Variants in CES3 observed in about 807,000 individuals in gnomAD.
The protein encoded by CES3 is carboxylesterase 3 (brain).
CES3 carries 49 observed loss-of-function variants against 57.6 expected under a neutral mutation model. That is an observed-to-expected ratio of 0.85 (90% CI 0.68 to 1.08). The LOEUF (loss-of-function observed/expected upper bound fraction) is 1.08. Ranked by LOEUF, CES3 falls within the 50% of genes least tolerant of loss-of-function variation. The probability of loss-of-function intolerance (pLI) is 0.00; values close to 1 mark genes in which losing one functional copy is unlikely to be tolerated. For missense variants in CES3, 645 were observed against 742.0 expected (o/e 0.87, Z 1.52); for synonymous variants, 266 against 281.6 (o/e 0.94, Z 0.55).
Position 66,963,733 on chromosome 16 carries a change from C to T in CES3, c.427-69C>T. On this transcript the variant is annotated intron_variant, in intron 3 of 12. Coordinates refer to ENST00000303334, the MANE Select transcript of CES3 (RefSeq NM_024922.6). This position sits in a 1 kb window ranked among gnomAD's most constrained non-coding sequence, Gnocchi z 4.9. ...AGCACCCTAGCGGTCCTGAGACTGC[C>T]TGGGCTGGCAGGTGGGCAGCTAAGG... The T allele has an allele frequency of 6.2e-7, 1 of 1,610,238 alleles. No homozygotes were observed. Among genetic ancestry groups the T allele is most frequent in the Non-Finnish European group, 8.5e-7 (1 of 1,176,938 alleles).
In CES3 at chr16:66,964,061, C is replaced by T. The variant is rs549060290; in HGVS notation, c.560+126C>T. ...GGCCCCTTACCCATGATGTCTGAGG[C>T]AGAGAAGGGCACCCCCCAAGCCTCC... On this transcript the variant is annotated intron_variant, in intron 4 of 12. Coordinates refer to ENST00000303334, the MANE Select transcript of CES3 (RefSeq NM_024922.6). 2.9e-6 allele frequency: 4 copies of T among 1,380,016 alleles called. No individual in the cohort carries two copies. In the South Asian group the frequency reaches 4.0e-5, roughly 14 times the overall value. 85.5% of individuals were successfully genotyped at this position (1,380,016 alleles called of 1,614,324 possible).
chr16:66,961,559 G>A (rs1004035542), intron 1 of CES3, among the ~76,000 whole-genome samples, 170 bp downstream of exon 1: 16 of 151,992 alleles, frequency 1.1e-4, no homozygotes, highest in African/African-American at 1.9e-4. Context: ...TATTTGTTTC[G>A]TTGTTTTTGT....
rs982619432 is a variant in CES3 at position 66,963,669 on chromosome 16, C to T, written c.426+40C>T. ...GGGCCCTGTCCACCTGATCCAGCTC[C>T]ACTATGCCTACCTGTCCCCTCCCCG... On this transcript the variant is annotated intron_variant, in intron 3 of 12. Transcript: ENST00000303334. The surrounding 1 kb of genome is among the most constrained non-coding windows in gnomAD (Gnocchi z 4.9). 11 of 1,613,644 alleles carry T rather than the reference C, an allele frequency of 6.8e-6. No homozygotes were observed. In the African/African-American group the frequency reaches 1.3e-4, roughly 20 times the overall value.
At position 66,972,707 on chromosome 16, in the gene CES3, T is replaced by C. The variant is rs1301579969; in HGVS notation, c.1481T>C (p.Leu494Pro). 1.2e-6 allele frequency: 2 copies of C among 1,614,018 alleles called. No homozygotes were observed. The highest frequency in any genetic ancestry group is 3.3e-5 in the Admixed American group (2 of 59,996). Residue 494 changes from leucine (L) to proline (P), a missense_variant, in exon 12 of 13, where the codon CTC becomes CCC. Coordinates refer to ENST00000303334, the MANE Select transcript of CES3 (RefSeq NM_024922.6). ...ACAGAGGAGGAGAAGCAGCTAAGCC[T>C]CACCATGATGGCCCAGTGGACCCAC... ...EATEEEKQLS[L>P]TMMAQWTHFA... is the part of the protein sequence containing the mutation.
Position 66,964,403 on chromosome 16 carries a change from G to T in CES3, c.607G>T (p.Val203Leu), listed in dbSNP as rs192232334. 6.2e-7 allele frequency: 1 copy of T among 1,614,142 alleles called. No homozygotes were observed. Among genetic ancestry groups the T allele is most frequent in the Admixed American group, 1.7e-5 (1 of 60,032 alleles). ...TGGCAACCAGGGCTTCCTAGATGTG[G>T]TAGCTGCTTTGCGCTGGGTGCAAGA... ...APGNQGFLDV[V>L]AALRWVQENI... Residue 203 changes from valine to leucine, a missense_variant, in exon 5 of 13, where the codon GTA (valine) becomes TTA (leucine). By Grantham distance (32) the Val-to-Leu change is conservative. Coordinates refer to ENST00000303334, the MANE Select transcript of CES3 (RefSeq NM_024922.6).
At chr16:66,972,254 A>C in intron 10 of CES3, 102 bp from the exon 11 acceptor site, 1 of 1,190,040 alleles carries the variant, frequency 8.4e-7, no homozygotes, top group Non-Finnish European at 1.2e-6. Context: ...CATCATCATC[A>C]TCATCATCAT....
chr16:66,965,636 A>AT (rs1567556203), intron 6 of CES3, among the ~76,000 whole-genome samples: 1 of 151,996 alleles, frequency 6.6e-6, no homozygotes, highest in East Asian at 1.9e-4. Context: ...GCCAGGAGAG[A>AT]TTTTCTCAAC....
chr16:66,972,695 A>C lies in CES3; in HGVS notation c.1469A>C (p.Lys490Thr), dbSNP rs966082520. The change falls in exon 12 of 13, where the codon AAG becomes ACG. Residue 490 changes from lysine to threonine, a missense_variant. Coordinates refer to ENST00000303334, the MANE Select transcript of CES3 (RefSeq NM_024922.6). ...TTTCCAGAGGCCACAGAGGAGGAGA[A>C]GCAGCTAAGCCTCACCATGATGGCC... is the stretch of plus-strand genomic sequence containing the variant. ...LAFPEATEEEKQLSLTMMAQW... is the reference protein window; with the variant it reads ...LAFPEATEEETQLSLTMMAQW... The C allele has an allele frequency of 8.1e-6, 13 of 1,614,080 alleles. No homozygotes were observed. Among genetic ancestry groups the C allele is most frequent in the Non-Finnish European group, 1.0e-5 (12 of 1,180,036 alleles).
In CES3 at chr16:66,963,620, C is replaced by T. The variant is rs754595323; in HGVS notation, c.417C>T (p.Ser139=). 2.2e-5 allele frequency: 35 copies of T among 1,613,994 alleles called. No individual in the cohort carries two copies. The highest frequency in any genetic ancestry group is 2.8e-5 in the Non-Finnish European group (33 of 1,180,034). Residue 139 remains serine (S), a synonymous_variant, in exon 3 of 13, where the codon TCC becomes TCT. Transcript: ENST00000303334. This position sits in a 1 kb window ranked among gnomAD's most constrained non-coding sequence, Gnocchi z 4.9. ...GCCCAGCTGAGGTCCCCGCAGGGTCCGGTAGGCCGGTAGGCACCCCAGAGG... is the reference window on the plus strand; with the variant it reads ...GCCCAGCTGAGGTCCCCGCAGGGTCTGGTAGGCCGGTAGGCACCCCAGAGG... ...VYSPAEVPAG[S]GRPVMVWVHG...
chr16:66,968,566 T>A (rs1963776162), intron 8 of CES3, among the ~76,000 whole-genome samples: 1 of 152,170 alleles, frequency 6.6e-6, no homozygotes, highest in Admixed American at 6.6e-5. Context: ...ATCAATCCCC[T>A]CATATTGGTC....
intron 6 of CES3, 67 bp from the exon 7 acceptor site, chr16:66,966,177 A>C: frequency 1.4e-6 from 2 of 1,404,062 alleles, no homozygotes. Context: ...TCTCTGTGGG[A>C]GGCAGAAGGC....
Position 66,964,635 on chromosome 16 carries a change from G to T in CES3, c.727G>T (p.Val243Leu), listed in dbSNP as rs775850056. ...SIISGLVLSP[V>L]AAGLFHRAIT... ...CCAATGCACCCAGGTCCTGTCCCCAGTGGCTGCAGGGCTGTTCCACAGAGC... is the reference window on the plus strand; with the variant it reads ...CCAATGCACCCAGGTCCTGTCCCCATTGGCTGCAGGGCTGTTCCACAGAGC... Residue 243 changes from valine (V) to leucine (L), a missense_variant, in exon 6 of 13, where the codon GTG becomes TTG. Coordinates refer to ENST00000303334, the MANE Select transcript of CES3 (RefSeq NM_024922.6). 5 of 1,614,022 alleles carry T rather than the reference G, an allele frequency of 3.1e-6. No homozygotes were observed.
At position 66,963,846 on chromosome 16, in the gene CES3, C is replaced by T; in HGVS notation, c.471C>T (p.Ala157=). 2 of 1,614,180 alleles carry T rather than the reference C, an allele frequency of 1.2e-6. No homozygotes were observed. The highest frequency in any genetic ancestry group is 2.2e-5 in the South Asian group (2 of 91,092). The change falls in exon 4 of 13, where the codon GCC becomes GCT. Residue 157 remains alanine (A), a synonymous_variant. Coordinates refer to ENST00000303334, the MANE Select transcript of CES3 (RefSeq NM_024922.6). This position sits in a 1 kb window ranked among gnomAD's most constrained non-coding sequence, Gnocchi z 4.9. ...VHGGALITGA[A]TSYDGSALAA... ...GAGGCGCTCTGATAACTGGCGCTGC[C>T]ACCTCCTACGATGGATCAGCTCTGG...
intron 6 of CES3, among the ~76,000 whole-genome samples, 173 bp from the exon 7 acceptor site, chr16:66,966,071 A>C (rs1375221935): frequency 6.6e-6 from 1 of 152,150 alleles, no homozygotes; most frequent in Non-Finnish European, 1.5e-5. Context: ...ACCCAAGCTG[A>C]CGGGCAGGGC....
intron 4 of CES3, 112 bp from the exon 5 acceptor site, chr16:66,964,244 CA>C: frequency 5.6e-6 from 8 of 1,431,968 alleles, no homozygotes; most frequent in Non-Finnish European, 7.5e-6. Flanking sequence ...CCAGACAGGC[CA>C]GACCTGGGGA....
At position 66,973,993 on chromosome 16, in the gene CES3, C is replaced by T. The variant is rs990708823; in HGVS notation, c.*944C>T. On this transcript the variant is annotated 3_prime_UTR_variant, in exon 13 of 13. Coordinates refer to ENST00000303334, the MANE Select transcript of CES3 (RefSeq NM_024922.6). ...CACAGCAGGACAGGCCAGGGGAGGG[C>T]ATCTGGACCAGGGCATCCGTCGGGC... 2.0e-5 allele frequency: 3 copies of T among 152,418 alleles called. No homozygotes were observed. The highest frequency in any genetic ancestry group is 4.4e-5 in the Non-Finnish European group (3 of 68,278). 9.4% of individuals were successfully genotyped at this position (152,418 alleles called of 1,614,324 possible).
chr16:66,966,504 A>G (rs1597021233), intron 7 of CES3, 159 bp downstream of exon 7: 2 of 826,212 alleles, frequency 2.4e-6, no homozygotes, highest in Admixed American at 2.7e-5. Context: ...ATGGAGGGCC[A>G]TCTCCATCCC....
Position 66,964,649 on chromosome 16 carries a change from G to A in CES3, c.741G>A (p.Leu247=), listed in dbSNP as rs147731637. ...GLVLSPVAAG[L]FHRAITQSGV... ...TCCTGTCCCCAGTGGCTGCAGGGCT[G>A]TTCCACAGAGCCATCACACAGAGTG... Residue 247 remains leucine, a synonymous_variant, in exon 6 of 13, where the codon CTG becomes CTA. Coordinates refer to ENST00000303334, the MANE Select transcript of CES3 (RefSeq NM_024922.6). 166 of 1,614,116 alleles carry A rather than the reference G, an allele frequency of 1.0e-4. No individual in the cohort carries two copies. In the African/African-American group the frequency reaches 2.0e-3, roughly 19 times the overall value.
In CES3 at chr16:66,975,064, C is replaced by T. The variant is rs1315700749; in HGVS notation, c.*2015C>T. Reference sequence around the variant, plus strand: ...GAGAATAAAAGCAGGCTGCCTGAGCCAGCAGTGACAACCCCCCTCGGGTCC... The same window carrying T: ...GAGAATAAAAGCAGGCTGCCTGAGCTAGCAGTGACAACCCCCCTCGGGTCC... On this transcript the variant is annotated 3_prime_UTR_variant, in exon 13 of 13. Transcript: ENST00000303334. 1 of 152,266 alleles carries T rather than the reference C, an allele frequency of 6.6e-6. No individual in the cohort carries two copies. The highest frequency in any genetic ancestry group is 2.4e-5 in the African/African-American group (1 of 41,448). The allele number at this position is 152,266 out of a possible 1,614,324, so 9.4% of individuals were successfully genotyped here.
Sources: gnomAD v4.1 joint callset for allele counts (sites outside exome capture counted in the v4.1 genomes callset) on GRCh38, gnomAD v4.1.1 for gene constraint, Gnocchi (gnomAD v3.1) non-coding constraint, MANE v1.5 for transcripts, NCBI Gene and HGNC (gene_info 2026-07-23, HGNC 2026-07-21) for gene names.